AKR1C3: variants seen among roughly 807,000 people sequenced by gnomAD.
AKR1C3 encodes 3-alpha hydroxysteroid dehydrogenase, type II.
Under a neutral mutation model 43.6 loss-of-function variants are expected in AKR1C3, and 48 were observed. The ratio of observed to expected loss-of-function variants is 1.10; its 90% CI spans 0.87 to 1.40. The LOEUF is 1.40. Ranked by LOEUF, AKR1C3 falls within the 40% of genes most tolerant of loss-of-function variation. AKR1C3 has a pLI of 0.00. For missense variants in AKR1C3, 482 were observed against 391.2 expected (o/e 1.23, Z -1.96); for synonymous variants, 162 against 139.6 (o/e 1.16, Z -1.13).
At chr10:5,053,721 C>G (rs555085706) in intron 1 of AKR1C3, among the ~76,000 whole-genome samples, 70 of 152,334 alleles carry the variant, frequency 4.6e-4, no homozygotes, top group Non-Finnish European at 7.4e-4. Flanking sequence ...AATGACTGCT[C>G]TAGCTAATTG....
chr10:5,102,292 T>TTAAG (rs1839374246), intron 6 of AKR1C3, 82 bp downstream of exon 6: 1 of 1,578,780 alleles, frequency 6.3e-7, no homozygotes, highest in South Asian at 1.1e-5. Context: ...TTTCCTGTAG[T>TTAAG]TAAGTTTCAA....
chr10:5,054,079 C>G (rs1026046735), intron 1 of AKR1C3, among the ~76,000 whole-genome samples: 2 of 152,164 alleles, frequency 1.3e-5, no homozygotes, highest in African/African-American at 4.8e-5. Context: ...CTGTAAGCGC[C>G]GGTTGGCATC....
chr10:5,102,772 C>T (rs1029291452), intron 7 of AKR1C3, 122 bp downstream of exon 7: 245 of 1,502,996 alleles, frequency 1.6e-4, no homozygotes, highest in Non-Finnish European at 2.0e-4. Context: ...CATATGAATG[C>T]TTTGCGTGCA....
chr10:5,056,021 G>A (rs548326836), intron 1 of AKR1C3, among the ~76,000 whole-genome samples: 11 of 152,252 alleles, frequency 7.2e-5, no homozygotes, highest in African/African-American at 1.9e-4. Flanking sequence ...AGCAAAGCTG[G>A]GCCTTCAACC....
rs587732023 is a variant in AKR1C3, at chr10:5,106,666, G to A, written c.930-795G>A. Reference sequence around the variant, plus strand: ...CTTGGAAGGCTGAGGCAGGAGAATCGCTTGAACCCAGGAGGCAAAGGATGC... The same window carrying A: ...CTTGGAAGGCTGAGGCAGGAGAATCACTTGAACCCAGGAGGCAAAGGATGC... On this transcript the variant is annotated intron_variant, in intron 8 of 8. Transcript: ENST00000380554. Among the ~76,000 whole-genome samples the A allele has an allele frequency of 2.2e-4, 33 of 151,612 alleles. 1 individual carries two copies. The East Asian group carries it at 2.8e-3, about 13-fold the overall frequency.
At chr10:5,083,637 C>G (rs1384242739) in intron 1 of AKR1C3, among the ~76,000 whole-genome samples, 1 of 152,122 alleles carries the variant, frequency 6.6e-6, no homozygotes, top group African/African-American at 2.4e-5. Flanking sequence ...GTTCTAGATC[C>G]CTGAGCAATC....
intron 5 of AKR1C3, 90 bp downstream of exon 5, chr10:5,099,539 T>A (rs1385592933): frequency 6.3e-7 from 1 of 1,586,084 alleles, no homozygotes; most frequent in African/African-American, 1.3e-5. Flanking sequence ...GTCCCAGTTA[T>A]CTTTGTGAAG....
chr10:5,076,483 C>T (rs1838717204), intron 1 of AKR1C3, among the ~76,000 whole-genome samples: 1 of 152,082 alleles, frequency 6.6e-6, no homozygotes, highest in Non-Finnish European at 1.5e-5. Context: ...CTCAGGTATT[C>T]CATTATATTA....
intron 1 of AKR1C3, among the ~76,000 whole-genome samples, chr10:5,074,627 C>A (rs181042582): frequency 6.6e-6 from 1 of 152,190 alleles, no homozygotes; most frequent in Non-Finnish European, 1.5e-5. Flanking sequence ...TTTTGGTACC[C>A]GAAACTCTTT....
At chr10:5,069,452 C>G (rs1261885256) in intron 1 of AKR1C3, among the ~76,000 whole-genome samples, 5 of 152,232 alleles carry the variant, frequency 3.3e-5, no homozygotes, top group African/African-American at 7.2e-5. Flanking sequence ...TTGATAACTT[C>G]TGAATTATAC....
At chr10:5,088,020 A>C (rs1292551186) in intron 1 of AKR1C3, among the ~76,000 whole-genome samples, 1 of 152,038 alleles carries the variant, frequency 6.6e-6, no homozygotes, top group African/African-American at 2.4e-5. Context: ...GGCATGTTGT[A>C]TGTCTATTTT....
At chr10:5,073,667 T>C (rs1564359788) in intron 1 of AKR1C3, among the ~76,000 whole-genome samples, 1 of 152,178 alleles carries the variant, frequency 6.6e-6, no homozygotes, top group Non-Finnish European at 1.5e-5. Flanking sequence ...ACATATTTGA[T>C]TAGTACCAAG....
intron 1 of AKR1C3, among the ~76,000 whole-genome samples, chr10:5,083,861 G>A (rs374250457): frequency 6.6e-6 from 1 of 152,020 alleles, no homozygotes; most frequent in Non-Finnish European, 1.5e-5. Flanking sequence ...TATTTTTTGG[G>A]TGCATAAATG....
At chr10:5,103,944 ATATAT>A (rs1300880140) in intron 7 of AKR1C3, among the ~76,000 whole-genome samples, 1 of 152,000 alleles carries the variant, frequency 6.6e-6, no homozygotes, top group Non-Finnish European at 1.5e-5. Context: ...AGATTGATAT[ATATAT>A]TATAGTTTAA....
chr10:5,076,841 T>G (rs1002990572), intron 1 of AKR1C3, among the ~76,000 whole-genome samples: 1 of 152,194 alleles, frequency 6.6e-6, no homozygotes, highest in African/African-American at 2.4e-5. Context: ...AGCACTGCCT[T>G]TGCTTTATTT....
At chr10:5,102,421 T>C (rs1205254281) in intron 6 of AKR1C3, 64 bp from the exon 7 acceptor site, 9 of 1,254,264 alleles carry the variant, frequency 7.2e-6, no homozygotes, top group Middle Eastern at 2.8e-4. Flanking sequence ...TTAGTCTGTT[T>C]AGGGAGCCGC....
chr10:5,071,844 G>T (rs532921111), intron 1 of AKR1C3, among the ~76,000 whole-genome samples: 4 of 152,032 alleles, frequency 2.6e-5, no homozygotes, highest in Non-Finnish European at 5.9e-5. Context: ...GTAATTTTCC[G>T]CTTGGCTGAT....
intron 4 of AKR1C3, 65 bp from the exon 5 acceptor site, chr10:5,099,262 T>TC: frequency 6.2e-7 from 1 of 1,609,988 alleles, no homozygotes; most frequent in South Asian, 1.1e-5. Flanking sequence ...CACAGTTCTG[T>TC]CTTGCATTTA....
At chr10:5,098,300 A>G (rs1209678544) in intron 3 of AKR1C3, 13 of 626,492 alleles carry the variant, frequency 2.1e-5, no homozygotes, top group Admixed American at 6.3e-5. Context: ...ATTGGTGGCG[A>G]TTATGGCTTT....
Sources: gnomAD v4.1 joint callset for allele counts (sites outside exome capture counted in the v4.1 genomes callset) on GRCh38, gnomAD v4.1.1 for gene constraint, MANE v1.5 for transcripts, NCBI Gene and HGNC (gene_info 2026-07-23, HGNC 2026-07-21) for gene names.